PHLDB2: variants seen among roughly 807,000 people sequenced by gnomAD.
The protein encoded by PHLDB2 is pleckstrin homology like domain family B member 2.
Under a neutral mutation model 123.6 loss-of-function variants are expected in PHLDB2, and 71 were observed. The ratio of observed to expected loss-of-function variants is 0.57; its 90% CI spans 0.47 to 0.70. The LOEUF is 0.70. Ranked by LOEUF, PHLDB2 falls within the 30% of genes least tolerant of loss-of-function variation. PHLDB2 has a pLI of 0.00. For synonymous variants in PHLDB2, 547 were observed against 541.6 expected, an observed-to-expected ratio of 1.01 and a Z score of -0.14; for missense variants, 1,446 against 1,519.5, an observed-to-expected ratio of 0.95 and a Z score of 0.80.
chr3:111,830,465 T>G (rs2062891160), intron 1 of PHLDB2, among the ~76,000 whole-genome samples: 1 of 149,360 alleles, frequency 6.7e-6, no homozygotes, highest in South Asian at 2.1e-4. Flanking sequence ...CATGGGTATG[T>G]ATAAATCTTT....
chr3:111,840,547 T>A (rs1012168687), intron 1 of PHLDB2, among the ~76,000 whole-genome samples: 3 of 152,260 alleles, frequency 2.0e-5, no homozygotes, highest in Non-Finnish European at 4.4e-5. Context: ...TCCATACCAC[T>A]TTTAGGAGAA....
chr3:111,962,869 C>T (rs930233547), intron 13 of PHLDB2, among the ~76,000 whole-genome samples: 4 of 136,040 alleles, frequency 2.9e-5, no homozygotes, highest in African/African-American at 1.1e-4. Context: ...GCGGAGGTTA[C>T]AGTGAGCCAA....
At chr3:111,752,616 CA>C (rs1162354531) in intron 1 of PHLDB2, among the ~76,000 whole-genome samples, 7 of 151,180 alleles carry the variant, frequency 4.6e-5, no homozygotes, top group Non-Finnish European at 7.4e-5. Flanking sequence ...TATTTTCTAA[CA>C]AAAAAATTTC....
chr3:111,809,552 G>A (rs889828541), intron 1 of PHLDB2, among the ~76,000 whole-genome samples: 1 of 152,128 alleles, frequency 6.6e-6, no homozygotes, highest in Non-Finnish European at 1.5e-5. Flanking sequence ...TTCTTAAAAT[G>A]GATTCTTTTT....
chr3:111,832,225 C>A (rs1304029312), intron 1 of PHLDB2, among the ~76,000 whole-genome samples: 1 of 152,148 alleles, frequency 6.6e-6, no homozygotes, highest in Non-Finnish European at 1.5e-5. Context: ...ACAAGTTAAT[C>A]TACATCTCTT....
At chr3:111,751,691 G>C (rs1479378892) in intron 1 of PHLDB2, among the ~76,000 whole-genome samples, 6 of 141,214 alleles carry the variant, frequency 4.2e-5, no homozygotes, top group South Asian at 2.5e-4. Context: ...AAGAGATTTT[G>C]CTGGGGGGAG....
At chr3:111,846,797 G>T (rs1011498243) in intron 2 of PHLDB2, among the ~76,000 whole-genome samples, 18 of 152,168 alleles carry the variant, frequency 1.2e-4, no homozygotes, top group Non-Finnish European at 2.1e-4. Context: ...GCTCTATTGT[G>T]GGGGCTGGCT....
chr3:111,967,997 A>AAAAAAAAAAAAAAG, intron 15 of PHLDB2, among the ~76,000 whole-genome samples, 173 bp downstream of exon 15: 1 of 151,320 alleles, frequency 6.6e-6, no homozygotes, highest in Non-Finnish European at 1.5e-5. Context: ...AAAAAAAAAA[A>AAAAAAAAAAAAAAG]AATGTGAGTT....
In PHLDB2 at chr3:111,932,400, C is replaced by A; in HGVS notation, c.2130+3C>A. The A allele has an allele frequency of 1.3e-6, 2 of 1,545,796 alleles. No individual in the cohort carries two copies. Among genetic ancestry groups the A allele is most frequent in the South Asian group, 2.4e-5 (2 of 82,256 alleles). On this transcript the variant is annotated splice_donor_region_variant and intron_variant, in intron 6 of 17. Coordinates refer to ENST00000431670, the MANE Select transcript of PHLDB2 (RefSeq NM_001134438.2). ...AGTTACAACAACAACTGAAGAGGGT[C>A]AGTAGCAAACAGGAATGCACCAGTT...
chr3:111,796,150 G>A (rs769448102), intron 1 of PHLDB2, among the ~76,000 whole-genome samples: 2 of 152,024 alleles, frequency 1.3e-5, no homozygotes, highest in African/African-American at 2.4e-5. Flanking sequence ...TGCCTGACTC[G>A]GCTTCCCAAA....
chr3:111,966,527 GGTGT>G (rs3217516), intron 13 of PHLDB2, 82 bp from the exon 14 acceptor site: 4,862 of 605,926 alleles, frequency 8.0e-3, no homozygotes, highest in East Asian at 0.025. Context: ...GTGTGTCTGG[GGTGT>G]GTGTGTGTGT....
chr3:111,851,022 C>G (rs966335844), intron 2 of PHLDB2, among the ~76,000 whole-genome samples: 1 of 150,952 alleles, frequency 6.6e-6, no homozygotes, highest in Non-Finnish European at 1.5e-5. Context: ...AGTGAAACCC[C>G]GTCTCTACTA....
chr3:111,912,202 T>C (rs1031495782), intron 2 of PHLDB2, among the ~76,000 whole-genome samples: 2 of 152,196 alleles, frequency 1.3e-5, no homozygotes, highest in Non-Finnish European at 2.9e-5. Flanking sequence ...CCTCAAGCAA[T>C]GCTGTCTAGG....
intron 1 of PHLDB2, among the ~76,000 whole-genome samples, chr3:111,830,507 C>A (rs1576780785): frequency 8.6e-6 from 1 of 115,834 alleles, no homozygotes; most frequent in East Asian, 2.4e-4. Context: ...AGGAACATGG[C>A]AAAAAAAAAA....
At chr3:111,824,034 G>A (rs527647279) in intron 1 of PHLDB2, among the ~76,000 whole-genome samples, 2 of 152,172 alleles carry the variant, frequency 1.3e-5, no homozygotes, top group African/African-American at 2.4e-5. Context: ...ATGTGCTTAA[G>A]AGCAGGGCAG....
chr3:111,974,519 G>T lies in PHLDB2; in HGVS notation c.3718G>T (p.Val1240Phe). The T allele has an allele frequency of 1.2e-6, 2 of 1,613,530 alleles. No homozygotes were observed. The highest frequency in any genetic ancestry group is 1.7e-6 in the Non-Finnish European group (2 of 1,179,718). ...AGAAGCCATGCGGATCTGGATGGAT[G>T]TTATAGTTACGGGGGCAGAAGGTTA... is the stretch of plus-strand genomic sequence containing the variant. ...SPEAMRIWMD[V>F]IVTGAEGYTH... Residue 1240 changes from valine (V) to phenylalanine (F), a missense_variant, in exon 18 of 18, where the codon GTT (valine) becomes TTT (phenylalanine). Val to Phe is a conservative substitution (Grantham distance 50). Around this residue, in one of 3 missense-constraint regions of PHLDB2, gnomAD observed 594 missense variants for 646.0 expected, o/e 0.92. Coordinates refer to ENST00000431670, the MANE Select transcript of PHLDB2 (RefSeq NM_001134438.2).
chr3:111,777,769 ATC>A (rs1426831864), intron 1 of PHLDB2, among the ~76,000 whole-genome samples: 1 of 152,174 alleles, frequency 6.6e-6, no homozygotes, highest in East Asian at 1.9e-4. Flanking sequence ...GCTGAATTTC[ATC>A]TGATTCCTCT....
intron 1 of PHLDB2, among the ~76,000 whole-genome samples, chr3:111,870,427 G>T (rs1362180264): frequency 6.6e-6 from 1 of 152,108 alleles, no homozygotes; most frequent in African/African-American, 2.4e-5. Flanking sequence ...ACTGAGGATG[G>T]TGTTTGGAGA....
Position 111,775,233 on chromosome 3 carries a change from A to T in PHLDB2, c.-49+42530A>T, listed in dbSNP as rs112391318. On this transcript the variant is annotated intron_variant, in intron 1 of 17. Transcript: ENST00000393923. ...CAAAGAGCAGAGAGATCAAAAAGAG[A>T]TGACTCGGACTATCATTTTGCTAGA... 8.5e-5 allele frequency among the ~76,000 whole-genome samples: 13 copies of T among 152,286 alleles called. 1 individual carries two copies. The highest frequency in any genetic ancestry group is 3.1e-4 in the African/African-American group (13 of 41,562).
Sources: gnomAD v4.1 joint callset for allele counts (sites outside exome capture counted in the v4.1 genomes callset) on GRCh38, gnomAD v4.1.1 for gene constraint, gnomAD v4.1.1 regional missense constraint, MANE v1.5 for transcripts, NCBI Gene and HGNC (gene_info 2026-07-23, HGNC 2026-07-21) for gene names.